Variants in LRRC69 observed in about 807,000 individuals in gnomAD.
LRRC69 encodes leucine-rich repeat-containing protein 69.
A neutral mutation model predicts 37.8 loss-of-function variants in LRRC69; 42 were observed. That is an observed-to-expected ratio of 1.11 (90% CI 0.87 to 1.44). LRRC69 has a LOEUF of 1.44. Among genes scored for constraint, LRRC69 ranks in the 40% most tolerant of loss-of-function variants. LRRC69 has a pLI of 0.00. For synonymous variants in LRRC69, 141 were observed against 143.1 expected (o/e 0.99, Z 0.11); for missense variants, 357 against 401.9 (o/e 0.89, Z 0.96).
chr8:91,200,047 C>G (rs1234295511), intron 6 of LRRC69, among the ~76,000 whole-genome samples: 1 of 152,070 alleles, frequency 6.6e-6, no homozygotes, highest in Non-Finnish European at 1.5e-5. Flanking sequence ...CTCAGTGCAG[C>G]AAGGAATTTA....
intron 7 of LRRC69, among the ~76,000 whole-genome samples, chr8:91,205,272 A>G (rs1809784723): frequency 6.6e-6 from 1 of 152,164 alleles, no homozygotes; most frequent in Non-Finnish European, 1.5e-5. Context: ...TATTTTAGCT[A>G]TACTAACCCA....
At chr8:91,196,069 G>C (rs1809594264) in intron 6 of LRRC69, among the ~76,000 whole-genome samples, 1 of 152,098 alleles carries the variant, frequency 6.6e-6, no homozygotes, top group African/African-American at 2.4e-5. Flanking sequence ...GCATTTGCTT[G>C]TCTGTAAAGT....
intron 5 of LRRC69, among the ~76,000 whole-genome samples, chr8:91,180,779 A>G (rs1809310978): frequency 6.6e-6 from 1 of 151,636 alleles, no homozygotes; most frequent in South Asian, 2.1e-4. Flanking sequence ...GGCATAGGGC[A>G]AAGAATCTAC....
chr8:91,196,369 T>C (rs1438655712), intron 6 of LRRC69, among the ~76,000 whole-genome samples: 1 of 151,842 alleles, frequency 6.6e-6, no homozygotes, highest in Non-Finnish European at 1.5e-5. Flanking sequence ...TTCTCTGTAT[T>C]TCCTGAATCT....
At chr8:91,197,432 C>T (rs1463561936) in intron 6 of LRRC69, among the ~76,000 whole-genome samples, 1 of 152,130 alleles carries the variant, frequency 6.6e-6, no homozygotes, top group African/African-American at 2.4e-5. Flanking sequence ...GCGGGCGCCC[C>T]TCCCCCAGCC....
At chr8:91,201,458 T>C (rs1809709545) in intron 7 of LRRC69, among the ~76,000 whole-genome samples, 1 of 152,220 alleles carries the variant, frequency 6.6e-6, no homozygotes, top group Non-Finnish European at 1.5e-5. Flanking sequence ...AAAACTTTAC[T>C]TGTGAATTTA....
At chr8:91,151,797 C>T (rs1025496257) in intron 5 of LRRC69, among the ~76,000 whole-genome samples, 2 of 151,582 alleles carry the variant, frequency 1.3e-5, no homozygotes, top group Non-Finnish European at 2.9e-5. Flanking sequence ...TGCAGCCTTG[C>T]CAGGATCTGT....
chr8:91,166,075 C>G (rs1242268035), intron 5 of LRRC69, among the ~76,000 whole-genome samples: 1 of 151,762 alleles, frequency 6.6e-6, no homozygotes, highest in African/African-American at 2.4e-5. Context: ...AGTTTTGCAA[C>G]TTTCTAACTG....
chr8:91,126,733 T>C (rs770370574), intron 2 of LRRC69, among the ~76,000 whole-genome samples: 1 of 151,900 alleles, frequency 6.6e-6, no homozygotes, highest in Non-Finnish European at 1.5e-5. Flanking sequence ...AGAGAGCGGG[T>C]AAGATATTAT....
At chr8:91,119,642 C>T (rs1198381265) in intron 1 of LRRC69, among the ~76,000 whole-genome samples, 4 of 151,968 alleles carry the variant, frequency 2.6e-5, no homozygotes, top group South Asian at 4.1e-4. Context: ...CTGTGGTTGT[C>T]GTTCACCCTA....
chr8:91,124,446 TGAA>T, intron 1 of LRRC69, 44 bp from the exon 2 acceptor site: 3 of 1,406,088 alleles, frequency 2.1e-6, no homozygotes, highest in Non-Finnish European at 9.4e-7. Flanking sequence ...TTTTTTCATT[TGAA>T]GTTGGATGAT....
At chr8:91,161,383 A>C (rs1808942162) in intron 5 of LRRC69, among the ~76,000 whole-genome samples, 1 of 151,266 alleles carries the variant, frequency 6.6e-6, no homozygotes, top group South Asian at 2.1e-4. Flanking sequence ...GTTTCTTAAA[A>C]GTTTGATAGA....
chr8:91,171,151 A>G (rs1809121444), intron 5 of LRRC69, among the ~76,000 whole-genome samples: 1 of 152,038 alleles, frequency 6.6e-6, no homozygotes, highest in South Asian at 2.1e-4. Flanking sequence ...AACAGAATGT[A>G]TGAAAAAAAG....
rs147787579 is a variant in LRRC69, at chr8:91,211,265, A to G, written c.934-7625A>G. On this transcript the variant is annotated intron_variant, in intron 7 of 7. Transcript: ENST00000448384. ...CTAGCGTTATTAAAATCATTAAGCT[A>G]ATAATATCTAGTAAGTATATGATAG... Among the ~76,000 whole-genome samples, 373 of 152,204 alleles carry G rather than the reference A, an allele frequency of 2.5e-3. 3 individuals are homozygous for G. The highest frequency in any genetic ancestry group is 6.5e-3 in the Admixed American group (99 of 15,300).
intron 6 of LRRC69, among the ~76,000 whole-genome samples, chr8:91,191,363 TATA>T (rs1809493021): frequency 1.3e-5 from 2 of 152,278 alleles, no homozygotes; most frequent in Admixed American, 6.5e-5. Context: ...ATCATTTCAG[TATA>T]ATAATAGCAG....
In LRRC69 at chr8:91,121,221, T is replaced by C. The variant is rs549921722; in HGVS notation, c.184-3272T>C. Among the ~76,000 whole-genome samples the C allele has an allele frequency of 7.8e-4, 119 of 152,170 alleles. 1 individual carries two copies. Among genetic ancestry groups the C allele is most frequent in the African/African-American group, 2.8e-3 (115 of 41,588 alleles). The stretch of plus-strand genomic sequence containing the variant: ...TGCAGTATTGCCTCTGTGTTCTCTT[T>C]GTGTTTCACTTCTTGCTACCCCTGC... On this transcript the variant is annotated intron_variant, in intron 1 of 7. Coordinates refer to ENST00000448384, the Ensembl canonical transcript of LRRC69.
chr8:91,118,343 TAAAAATGCAAAAAAAAAAAAAAAA>T, intron 1 of LRRC69: 1 of 59,800 alleles, frequency 1.7e-5, no homozygotes, highest in South Asian at 2.1e-4. Context: ...CCATCTCTAC[TAAAAATGCAAAAAAAAAAAAAAAA>T]AAAAAAAAAA....
intron 1 of LRRC69, among the ~76,000 whole-genome samples, chr8:91,115,438 G>A (rs1435213954): frequency 6.6e-6 from 1 of 151,934 alleles, no homozygotes; most frequent in Non-Finnish European, 1.5e-5. Context: ...CCCCAGCACT[G>A]GTGGATTTTT....
At position 91,211,611 on chromosome 8, in the gene LRRC69, TA is replaced by T. The variant is rs1400458256; in HGVS notation, c.934-7278del. ...AATTATACAAATATATATATATATA[TA>T]TATATTTTTTTTTTATTTTTTTTGC... On this transcript the variant is annotated intron_variant, in intron 7 of 7. Transcript: ENST00000448384. Among the ~76,000 whole-genome samples, 229 of 138,984 alleles carry T rather than the reference TA, an allele frequency of 1.6e-3. 4 individuals carry two copies. Among genetic ancestry groups the T allele is most frequent in the African/African-American group, 5.9e-3 (216 of 36,756 alleles). The allele number at this position is 138,984 out of a possible 152,430, so 91.2% of individuals were successfully genotyped here. A position where few individuals can be genotyped will look rare whatever the true frequency, so the allele number is the denominator to read the frequency against.
Sources: allele counts gnomAD v4.1 joint callset (sites outside exome capture counted in the v4.1 genomes callset), GRCh38; gene constraint gnomAD v4.1.1; transcripts MANE v1.5; gene names NCBI Gene and HGNC (gene_info 2026-07-23, HGNC 2026-07-21).